The following HOMER2 variants were observed in gnomAD, a reference collection of about 807,000 sequenced individuals.
HOMER2 encodes the protein homer scaffold protein 2, also known as homer protein homolog 2.
In HOMER2, 27 loss-of-function variants were observed where a neutral mutation model predicts 47.0. The observed-to-expected ratio is 0.57, with a 90% CI of 0.42 to 0.79. The LOEUF (loss-of-function observed/expected upper bound fraction) is 0.79. Among genes scored for constraint, HOMER2 ranks in the 30% least tolerant of loss-of-function variants. The pLI is 0.00. For synonymous variants in HOMER2, 161 were observed against 163.8 expected (o/e 0.98, Z 0.13); for missense variants, 443 against 435.0 (o/e 1.02, Z -0.16).
chr15:82,910,377 G>T (rs2053418948), intron 1 of HOMER2, among the ~76,000 whole-genome samples: 1 of 152,158 alleles, frequency 6.6e-6, no homozygotes, highest in Non-Finnish European at 1.5e-5. Flanking sequence ...AGTGGGGTGA[G>T]TCGGTGAGAG....
At chr15:82,915,535 AAAAC>A (rs769255673) in intron 1 of HOMER2, among the ~76,000 whole-genome samples, 239 of 152,118 alleles carry the variant, frequency 1.6e-3, no homozygotes, top group Middle Eastern at 0.01. Context: ...TTCGCTACAA[AAAAC>A]AAACAAACAA....
At chr15:82,882,784 G>A (rs1295252373) in intron 2 of HOMER2, among the ~76,000 whole-genome samples, 1 of 151,810 alleles carries the variant, frequency 6.6e-6, no homozygotes, top group African/African-American at 2.4e-5. Context: ...CCTTCTCAAA[G>A]AGCCTGTGCT....
intron 1 of HOMER2, among the ~76,000 whole-genome samples, chr15:82,897,558 A>C (rs1167312886): frequency 6.6e-6 from 1 of 152,166 alleles, no homozygotes; most frequent in African/African-American, 2.4e-5. Context: ...GCTTTTAACC[A>C]ACAGAATATG....
intron 1 of HOMER2, among the ~76,000 whole-genome samples, chr15:82,906,943 T>C (rs1323127126): frequency 6.6e-6 from 1 of 152,340 alleles, no homozygotes; most frequent in East Asian, 1.9e-4. Flanking sequence ...ATAACCTTAA[T>C]GTGTATGTGC....
intron 1 of HOMER2, among the ~76,000 whole-genome samples, chr15:82,917,340 T>C (rs904651874): frequency 6.6e-6 from 1 of 152,208 alleles, no homozygotes; most frequent in African/African-American, 2.4e-5. Context: ...GCCTCAAGAA[T>C]TGATAGGATC....
chr15:82,926,688 A>AACAG, intron 1 of HOMER2: 1 of 152,248 alleles, frequency 6.6e-6, no homozygotes, highest in East Asian at 1.9e-4. Flanking sequence ...ACTGTCTTCA[A>AACAG]AAAGAAAGAA....
At chr15:82,953,647 GC>G (rs1370973735), upstream of HOMER2, among the ~76,000 whole-genome samples, 1 of 152,204 alleles carries the variant, frequency 6.6e-6, no homozygotes, top group Non-Finnish European at 1.5e-5. Context: ...GCCGAGGCGG[GC>G]GAATCACGAG....
intron 1 of HOMER2, among the ~76,000 whole-genome samples, chr15:82,941,294 A>T (rs542480711): frequency 4.0e-5 from 6 of 151,716 alleles, no homozygotes; most frequent in Non-Finnish European, 8.8e-5. Context: ...AAATACAAAA[A>T]TTAGCCGGTT....
chr15:82,900,877 T>C (rs1383825249), intron 1 of HOMER2, among the ~76,000 whole-genome samples: 1 of 152,212 alleles, frequency 6.6e-6, no homozygotes, highest in Non-Finnish European at 1.5e-5. Flanking sequence ...CCTGATAAAT[T>C]AGTGATCTGA....
intron 1 of HOMER2, among the ~76,000 whole-genome samples, chr15:82,980,680 T>C (rs1380087035): frequency 6.6e-6 from 1 of 152,090 alleles, no homozygotes; most frequent in Non-Finnish European, 1.5e-5. Context: ...TGGACAATCA[T>C]GAGAAACTTG....
At chr15:82,920,055 T>C (rs573202864) in intron 1 of HOMER2, among the ~76,000 whole-genome samples, 3 of 152,334 alleles carry the variant, frequency 2.0e-5, no homozygotes, top group South Asian at 4.1e-4. Context: ...CAAGATATTA[T>C]TCTTGGAGCC....
chr15:82,852,080 G>A, intron 7 of HOMER2, 62 bp downstream of exon 7: 1 of 1,141,148 alleles, frequency 8.8e-7, no homozygotes, highest in South Asian at 1.3e-5. Context: ...GACACCTGCT[G>A]TGTGCCACCC....
chr15:82,981,243 CCT>C (rs1380589405), intron 1 of HOMER2, among the ~76,000 whole-genome samples: 4 of 152,140 alleles, frequency 2.6e-5, no homozygotes, highest in Non-Finnish European at 4.4e-5. Context: ...ACCTCTTGAC[CCT>C]CAGCTTTAGT....
At chr15:82,903,685 C>T (rs2053201358) in intron 1 of HOMER2, among the ~76,000 whole-genome samples, 1 of 152,126 alleles carries the variant, frequency 6.6e-6, no homozygotes, top group Non-Finnish European at 1.5e-5. Flanking sequence ...ACACGCCACA[C>T]CCCACATCAA....
intron 3 of HOMER2, among the ~76,000 whole-genome samples, chr15:82,869,435 T>C (rs1388099443): frequency 6.6e-6 from 1 of 151,314 alleles, no homozygotes; most frequent in Non-Finnish European, 1.5e-5. Flanking sequence ...AATTATATGA[T>C]TTTCTACTAA....
At chr15:82,976,830 C>G (rs2151261234) in intron 1 of HOMER2, among the ~76,000 whole-genome samples, 1 of 151,804 alleles carries the variant, frequency 6.6e-6, no homozygotes, top group Non-Finnish European at 1.5e-5. Flanking sequence ...GCATGCGCCA[C>G]CATGCCTGGC....
intron 1 of HOMER2, among the ~76,000 whole-genome samples, chr15:82,945,625 T>G (rs919063431): frequency 2.0e-5 from 3 of 151,766 alleles, no homozygotes; most frequent in Non-Finnish European, 4.4e-5. Context: ...TTTTTATAAT[T>G]AGAAAAAAGC....
intron 4 of HOMER2, among the ~76,000 whole-genome samples, chr15:82,860,978 A>AGAGAGAGAGAGAGAGAGAGAGAGAGG (rs1269756073): frequency 3.4e-5 from 5 of 147,808 alleles, no homozygotes; most frequent in African/African-American, 1.3e-4. Flanking sequence ...AGAGAGAGAG[A>AGAGAGAGAGAGAGAGAGAGAGAGAGG]GAGAAAGCGA....
chr15:82,942,917 G>C (rs975136229), intron 1 of HOMER2, among the ~76,000 whole-genome samples: 5 of 152,132 alleles, frequency 3.3e-5, no homozygotes, highest in African/African-American at 1.2e-4. Context: ...GCCAACTCTG[G>C]CACTGCTCAG....
Sources: allele counts gnomAD v4.1 joint callset (sites outside exome capture counted in the v4.1 genomes callset), GRCh38; gene constraint gnomAD v4.1.1; transcripts MANE v1.5; gene names NCBI Gene and HGNC (gene_info 2026-07-23, HGNC 2026-07-21).